The following GABRG2 variants were observed in gnomAD, a reference collection of about 807,000 sequenced individuals.
GABRG2 encodes gamma-aminobutyric acid type A receptor subunit gamma2.
Under a neutral mutation model 56.4 loss-of-function variants are expected in GABRG2, and 16 were observed. That is an observed-to-expected ratio of 0.28 (90% confidence interval 0.19 to 0.43). The LOEUF (loss-of-function observed/expected upper bound fraction) is 0.43, where lower values mean the gene tolerates loss of function less well. Ranked by LOEUF, GABRG2 falls within the 20% of genes least tolerant of loss-of-function variation. The pLI is 1.00. For synonymous variants in GABRG2, 208 were observed against 205.5 expected (o/e 1.01, Z -0.10); for missense variants, 327 against 582.7 (o/e 0.56, Z 4.52).
At chr5:162,124,603 G>GAA (rs1204869335) in intron 6 of GABRG2, among the ~76,000 whole-genome samples, 2 of 151,682 alleles carry the variant, frequency 1.3e-5, no homozygotes, top group African/African-American at 4.8e-5. Context: ...GGAGTTAAAG[G>GAA]ACAGAGAGAG....
intron 9 of GABRG2, chr5:162,152,620 A>G: frequency 4.1e-6 from 1 of 245,524 alleles, no homozygotes; most frequent in Non-Finnish European, 8.1e-6. Flanking sequence ...AACATTTTCT[A>G]TTAACATTTA....
intron 6 of GABRG2, among the ~76,000 whole-genome samples, chr5:162,135,933 A>C (rs1764092967): frequency 6.6e-6 from 1 of 152,122 alleles, no homozygotes; most frequent in Admixed American, 6.6e-5. Flanking sequence ...CAAGTTAAAG[A>C]ATTTTAGTGT....
intron 6 of GABRG2, among the ~76,000 whole-genome samples, chr5:162,135,221 C>CT (rs539466322): frequency 4.0e-4 from 60 of 149,590 alleles, no homozygotes; most frequent in African/African-American, 1.7e-4. Flanking sequence ...TCCCTTCTCT[C>CT]TTTTTTTTTT....
rs60642717 is a variant in GABRG2, at chr5:162,109,382, A to G, written c.769+5356A>G. ...GTTGTGCACATGTACCCTAGAACTT[A>G]AAGTATAATATATATATATATATAT... On this transcript the variant is annotated intron_variant, in intron 6 of 9. Coordinates refer to ENST00000639213, the MANE Select transcript of GABRG2 (RefSeq NM_198904.4). 4.3e-3 allele frequency among the ~76,000 whole-genome samples: 470 copies of G among 108,770 alleles called. 15 individuals carry two copies. The East Asian group carries it at 0.096, about 22-fold the overall frequency. 71.4% of individuals were successfully genotyped at this position (108,770 alleles called of 152,430 possible).
At position 162,103,879 on chromosome 5, in the gene GABRG2, C is replaced by A. The variant is rs144248417; in HGVS notation, c.632-10C>A. The stretch of plus-strand genomic sequence containing the variant: ...TCATTTTTAATGTGAGCTTTCCTAT[C>A]TCACGGCAGATGGCTATCCACGTGA... On this transcript the variant is annotated splice_polypyrimidine_tract_variant and intron_variant, in intron 5 of 9. Transcript: ENST00000639213. 72 of 1,613,814 alleles carry A rather than the reference C, an allele frequency of 4.5e-5. No individual in the cohort carries two copies. In the East Asian group the frequency reaches 1.6e-3, roughly 35 times the overall value.
intron 1 of GABRG2, among the ~76,000 whole-genome samples, chr5:162,068,325 T>C (rs928085868): frequency 1.3e-5 from 2 of 152,094 alleles, no homozygotes; most frequent in Admixed American, 6.6e-5. Flanking sequence ...TTTTATTTTT[T>C]GTTTGGTTTT....
At chr5:162,114,326 G>A (rs1327642078) in intron 6 of GABRG2, among the ~76,000 whole-genome samples, 1 of 152,004 alleles carries the variant, frequency 6.6e-6, no homozygotes, top group Non-Finnish European at 1.5e-5. Context: ...ATGTGTAGGT[G>A]TATCGCTATA....
intron 6 of GABRG2, among the ~76,000 whole-genome samples, chr5:162,117,142 G>A (rs1182130271): frequency 6.6e-6 from 1 of 152,196 alleles, no homozygotes; most frequent in Non-Finnish European, 1.5e-5. Flanking sequence ...AAGAGCAGGT[G>A]AGAACACATG....
chr5:162,086,417 A>C (rs1184825581), intron 1 of GABRG2, among the ~76,000 whole-genome samples: 1 of 152,110 alleles, frequency 6.6e-6, no homozygotes, highest in East Asian at 1.9e-4. Flanking sequence ...TTTAACCTCC[A>C]TAGCTAAACT....
At chr5:162,135,459 G>A (rs1247091526) in intron 6 of GABRG2, among the ~76,000 whole-genome samples, 2 of 152,138 alleles carry the variant, frequency 1.3e-5, no homozygotes, top group Non-Finnish European at 2.9e-5. Flanking sequence ...ACAAATAATT[G>A]TGGAATTCCC....
intron 9 of GABRG2, 114 bp from the exon 10 acceptor site, chr5:162,152,979 T>C: frequency 8.1e-7 from 1 of 1,240,366 alleles, no homozygotes; most frequent in Non-Finnish European, 1.2e-6. Flanking sequence ...TCATAGCAAT[T>C]TCCTGAGTAC....
intron 6 of GABRG2, among the ~76,000 whole-genome samples, chr5:162,138,987 G>T (rs1055211320): frequency 1.3e-5 from 2 of 151,352 alleles, no homozygotes; most frequent in South Asian, 2.1e-4. Context: ...TAAAACTATC[G>T]TATGGTTATT....
In GABRG2 at chr5:162,086,339, A is replaced by G. The variant is rs114501090; in HGVS notation, c.108-7489A>G. ...GTCTTGCCAAATGCCCAACACTTAC[A>G]AAGTTTTAGAAAACAACACCTTTGA... is the stretch of plus-strand genomic sequence containing the variant. On this transcript the variant is annotated intron_variant, in intron 1 of 9. Coordinates refer to ENST00000639213, the MANE Select transcript of GABRG2 (RefSeq NM_198904.4). 5.0e-3 allele frequency among the ~76,000 whole-genome samples: 760 copies of G among 152,164 alleles called. 9 individuals carry two copies. Among genetic ancestry groups the G allele is most frequent in the African/African-American group, 0.017 (698 of 41,554 alleles).
intron 6 of GABRG2, among the ~76,000 whole-genome samples, chr5:162,120,514 T>C (rs1762912384): frequency 6.6e-6 from 1 of 152,104 alleles, no homozygotes; most frequent in Admixed American, 6.6e-5. Context: ...TCAAGAACTA[T>C]AGCTTTTTCT....
chr5:162,125,821 C>A (rs1763306340), intron 6 of GABRG2, among the ~76,000 whole-genome samples: 1 of 151,692 alleles, frequency 6.6e-6, no homozygotes, highest in African/African-American at 2.4e-5. Context: ...GTCATAGAAT[C>A]AATAGACAAA....
chr5:162,078,488 G>C (rs1019554852), intron 1 of GABRG2, among the ~76,000 whole-genome samples: 19 of 134,980 alleles, frequency 1.4e-4, no homozygotes, highest in African/African-American at 4.8e-4. Context: ...CTCACTGCAA[G>C]CTGCGCCTCC....
chr5:162,109,160 C>T (rs1244097297), intron 6 of GABRG2, among the ~76,000 whole-genome samples: 1 of 151,642 alleles, frequency 6.6e-6, no homozygotes, highest in African/African-American at 2.4e-5. Flanking sequence ...TCAAACACCG[C>T]ATGTTCTCCC....
chr5:162,153,053 A>G (rs778486682), intron 9 of GABRG2, 40 bp from the exon 10 acceptor site: 59 of 1,613,138 alleles, frequency 3.7e-5, no homozygotes, highest in Non-Finnish European at 4.7e-5. Context: ...TCTCTCGAGA[A>G]CAACTAACTG....
chr5:162,095,021 A>G (rs1231022395), intron 2 of GABRG2, among the ~76,000 whole-genome samples: 1 of 152,124 alleles, frequency 6.6e-6, no homozygotes, highest in Non-Finnish European at 1.5e-5. Flanking sequence ...GGGAACTGTG[A>G]TCCAAAACCA....
Sources: allele counts gnomAD v4.1 joint callset (sites outside exome capture counted in the v4.1 genomes callset), GRCh38; gene constraint gnomAD v4.1.1; transcripts MANE v1.5; gene names NCBI Gene and HGNC (gene_info 2026-07-23, HGNC 2026-07-21).